Variants in CELF2 observed in about 807,000 individuals in gnomAD.
CELF2 encodes the protein CUG triplet repeat RNA-binding protein 2.
Under a neutral mutation model 62.6 loss-of-function variants are expected in CELF2, and 8 were observed. That is an observed-to-expected ratio of 0.13 (90% confidence interval 0.07 to 0.23). The LOEUF is 0.23. CELF2 is among the 10% of genes least tolerant of loss of function. The pLI is 1.00. For missense variants in CELF2, 333 were observed against 671.0 expected, an observed-to-expected ratio of 0.50 and a Z score of 5.56; for synonymous variants, 258 against 250.0, an observed-to-expected ratio of 1.03 and a Z score of -0.30.
rs1424838778 is a variant in CELF2, at chr10:10,866,049, G to A, written c.54-53915G>A. Reference sequence around the variant, plus strand: ...GGTCCTCGGGCTTTCATGCAGTATTGGTAGGCATGTTCACACTGGTCCAGG... The same window carrying A: ...GGTCCTCGGGCTTTCATGCAGTATTAGTAGGCATGTTCACACTGGTCCAGG... On this transcript the variant is annotated intron_variant, in intron 1 of 13. Coordinates refer to the CELF2 transcript ENST00000636488. Among the ~76,000 whole-genome samples the A allele has an allele frequency of 4.6e-5, 7 of 152,078 alleles. No individual in the cohort carries two copies. In the East Asian group the frequency reaches 1.4e-3, roughly 29 times the overall value.
At chr10:11,179,449 G>A (rs889921002) in intron 2 of CELF2, among the ~76,000 whole-genome samples, 16 of 152,148 alleles carry the variant, frequency 1.1e-4, no homozygotes, top group Admixed American at 7.2e-4. Flanking sequence ...TGCCTAGCTC[G>A]GTGCCTGACA....
At chr10:10,702,443 A>G in the CELF2 span, among the ~76,000 whole-genome samples, 4 of 152,224 alleles carry the variant, frequency 2.6e-5, no homozygotes, top group African/African-American at 9.6e-5. Flanking sequence ...AAATCACTGT[A>G]GTTGTGTCAA....
chr10:11,124,821 A>G (rs753121083), intron 1 of CELF2, among the ~76,000 whole-genome samples: 1 of 152,198 alleles, frequency 6.6e-6, no homozygotes, highest in Non-Finnish European at 1.5e-5. Context: ...AATTCTTCTG[A>G]TACTTTCTAT....
intron 2 of CELF2, among the ~76,000 whole-genome samples, chr10:10,965,278 T>A (rs1018209771): frequency 6.6e-6 from 1 of 152,218 alleles, no homozygotes; most frequent in South Asian, 2.1e-4. Context: ...GTTAATTTCA[T>A]GTGTGTCAGC....
chr10:10,632,038 C>G, the CELF2 span, among the ~76,000 whole-genome samples: 1 of 152,172 alleles, frequency 6.6e-6, no homozygotes, highest in Non-Finnish European at 1.5e-5. Flanking sequence ...GTCCAGCACA[C>G]AGCAGGTGTC....
In CELF2 at chr10:10,938,560, T is replaced by C. The variant is rs2046671688; in HGVS notation, c.89+18561T>C. On this transcript the variant is annotated intron_variant, in intron 2 of 13. Transcript: ENST00000636488. This position sits in a 1 kb window ranked among gnomAD's most constrained non-coding sequence, Gnocchi z 4.2. ...AGTTTAGAAGATTCTCAACTTGAAT[T>C]ATTTTAGCATTCTGCTATTTGAATT... 6.6e-6 allele frequency among the ~76,000 whole-genome samples: 1 copy of C among 152,248 alleles called. No individual in the cohort carries two copies. Among genetic ancestry groups the C allele is most frequent in the Non-Finnish European group, 1.5e-5 (1 of 68,042 alleles).
At chr10:11,014,834 CA>C (rs1262731188), upstream of CELF2, among the ~76,000 whole-genome samples, 1 of 152,064 alleles carries the variant, frequency 6.6e-6, no homozygotes, top group Non-Finnish European at 1.5e-5. Flanking sequence ...AAATGAATAG[CA>C]AGTTGATTAA....
At chr10:10,984,177 G>A (rs907908243) in intron 2 of CELF2, among the ~76,000 whole-genome samples, 2 of 152,182 alleles carry the variant, frequency 1.3e-5, no homozygotes, top group East Asian at 3.8e-4. Context: ...AATAGGTTCC[G>A]AAAAGAAACT....
the CELF2 span, among the ~76,000 whole-genome samples, chr10:10,568,262 T>A: frequency 6.6e-6 from 1 of 151,864 alleles, no homozygotes; most frequent in Non-Finnish European, 1.5e-5. Flanking sequence ...GGGTGTAAGA[T>A]TATTTACAAG....
rs1325049504 is a variant in CELF2, at chr10:11,165,450, C to T, written c.75-36C>T. Reference sequence around the variant, plus strand: ...TTTTTCTTCCTGTCCCTCATCGTGCCGCCCTAACTCTGGCTCCCGGTTCCG... The same window carrying T: ...TTTTTCTTCCTGTCCCTCATCGTGCTGCCCTAACTCTGGCTCCCGGTTCCG... On this transcript the variant is annotated intron_variant, in intron 1 of 12. Transcript: ENST00000633077. This position sits in a 1 kb window ranked among gnomAD's most constrained non-coding sequence, Gnocchi z 7.4. 7 of 1,597,212 alleles carry T rather than the reference C, an allele frequency of 4.4e-6. No homozygotes were observed. Among genetic ancestry groups the T allele is most frequent in the East Asian group, 2.3e-5 (1 of 44,106 alleles).
At chr10:10,719,366 C>T in the CELF2 span, among the ~76,000 whole-genome samples, 2 of 152,150 alleles carry the variant, frequency 1.3e-5, no homozygotes, top group Non-Finnish European at 2.9e-5. Context: ...TGAAGTGATC[C>T]TCTCACCTTG....
chr10:10,504,261 C>T, the CELF2 span, among the ~76,000 whole-genome samples: 3 of 152,056 alleles, frequency 2.0e-5, no homozygotes, highest in African/African-American at 4.8e-5. Context: ...GGTAAGTCTG[C>T]ATGTGACAAA....
chr10:11,133,541 G>A (rs2059936741), intron 1 of CELF2, among the ~76,000 whole-genome samples: 1 of 152,118 alleles, frequency 6.6e-6, no homozygotes, highest in African/African-American at 2.4e-5. Flanking sequence ...ACAAGATAGG[G>A]AATGTGTTAC....
At chr10:11,236,896 G>A (rs2071571973) in intron 3 of CELF2, among the ~76,000 whole-genome samples, 1 of 152,230 alleles carries the variant, frequency 6.6e-6, no homozygotes, top group Non-Finnish European at 1.5e-5. Flanking sequence ...TCCACTAGAA[G>A]AGAGAGTGAT....
chr10:11,249,611 GT>G (rs1170959496), intron 4 of CELF2, among the ~76,000 whole-genome samples: 1 of 152,096 alleles, frequency 6.6e-6, no homozygotes, highest in Non-Finnish European at 1.5e-5. Context: ...AGGGGCGTTG[GT>G]TTTTGTTTTT....
intron 2 of CELF2, among the ~76,000 whole-genome samples, chr10:11,201,798 A>T (rs572042348): frequency 2.2e-4 from 33 of 152,330 alleles, no homozygotes; most frequent in Non-Finnish European, 4.1e-4. Flanking sequence ...GGCTCCAAGA[A>T]TCCATGTTTT....
intron 1 of CELF2, among the ~76,000 whole-genome samples, chr10:10,801,067 C>A (rs2054610341): frequency 6.9e-5 from 7 of 101,612 alleles, no homozygotes; most frequent in Admixed American, 6.3e-4. Context: ...CAAGTCTTAA[C>A]CCGTTTTTAA....
At chr10:11,103,719 C>G (rs1466790303) in intron 1 of CELF2, among the ~76,000 whole-genome samples, 1 of 151,956 alleles carries the variant, frequency 6.6e-6, no homozygotes, top group African/African-American at 2.4e-5. Context: ...TTTGTCCTTC[C>G]CTCAAGATTG....
At chr10:10,626,025 G>T in the CELF2 span, among the ~76,000 whole-genome samples, 1 of 151,988 alleles carries the variant, frequency 6.6e-6, no homozygotes, top group African/African-American at 2.4e-5. Flanking sequence ...TTGCGGACTT[G>T]CAATGTGAAG....
Sources: gnomAD v4.1 joint callset for allele counts (sites outside exome capture counted in the v4.1 genomes callset) on GRCh38, gnomAD v4.1.1 for gene constraint, Gnocchi (gnomAD v3.1) non-coding constraint, MANE v1.5 for transcripts, NCBI Gene and HGNC (gene_info 2026-07-23, HGNC 2026-07-21) for gene names.